Variants in ERC2 observed in about 807,000 individuals in gnomAD.
ERC2 encodes ELKS/RAB6-interacting/CAST family member 2.
ERC2 carries 42 observed loss-of-function variants against 114.8 expected under a neutral mutation model. The ratio of observed to expected loss-of-function variants is 0.37; its 90% CI spans 0.29 to 0.47. The LOEUF (loss-of-function observed/expected upper bound fraction) is 0.47, where lower values mean the gene tolerates loss of function less well. Among genes scored for constraint, ERC2 ranks in the 20% least tolerant of loss-of-function variants. The probability of loss-of-function intolerance (pLI) is 0.99; values close to 1 mark genes in which losing one functional copy is unlikely to be tolerated. For synonymous variants in ERC2, 454 were observed against 425.5 expected, an observed-to-expected ratio of 1.07 and a Z score of -0.82; for missense variants, 939 against 1,150.7, an observed-to-expected ratio of 0.82 and a Z score of 2.66.
chr3:55,747,528 C>T (rs116576427), intron 14 of ERC2, among the ~76,000 whole-genome samples: 36 of 152,196 alleles, frequency 2.4e-4, no homozygotes, highest in South Asian at 6.2e-4. Context: ...TATTCCACGC[C>T]GTAAGGAAAA....
intron 2 of ERC2, among the ~76,000 whole-genome samples, chr3:56,431,851 T>A (rs1054813658): frequency 1.3e-5 from 2 of 152,202 alleles, no homozygotes; most frequent in Non-Finnish European, 2.9e-5. Flanking sequence ...ACTAGAGCTT[T>A]CACTGAGTCA....
intron 3 of ERC2, among the ~76,000 whole-genome samples, chr3:56,262,640 T>C (rs144373725): frequency 6.6e-6 from 1 of 152,344 alleles, no homozygotes; most frequent in Non-Finnish European, 1.5e-5. Context: ...TTGTTCCTTC[T>C]AAAAATGAGC....
chr3:56,435,829 A>T (rs2061993194), intron 1 of ERC2, among the ~76,000 whole-genome samples: 2 of 152,238 alleles, frequency 1.3e-5, no homozygotes, highest in South Asian at 4.1e-4. Flanking sequence ...ACACATAGCC[A>T]GATCCTCAAT....
intron 14 of ERC2, among the ~76,000 whole-genome samples, chr3:55,745,486 C>A (rs567044305): frequency 6.6e-5 from 10 of 152,310 alleles, no homozygotes; most frequent in African/African-American, 2.4e-4. Context: ...ACTTCCATGA[C>A]ATACTGCAAT....
chr3:55,814,707 C>A (rs938423029), intron 14 of ERC2, among the ~76,000 whole-genome samples: 4 of 152,136 alleles, frequency 2.6e-5, no homozygotes, highest in African/African-American at 9.7e-5. Context: ...CTGCATGAAA[C>A]CTGGATTAAT....
chr3:56,369,192 TTC>T (rs2059268312), intron 2 of ERC2, among the ~76,000 whole-genome samples: 1 of 152,206 alleles, frequency 6.6e-6, no homozygotes, highest in Non-Finnish European at 1.5e-5. Flanking sequence ...ATGGAACTTT[TTC>T]TCTGTTCTTT....
chr3:55,591,780 CCTT>C (rs1472557240), intron 17 of ERC2, among the ~76,000 whole-genome samples: 1 of 152,136 alleles, frequency 6.6e-6, no homozygotes. Flanking sequence ...TTATTCTTGT[CCTT>C]CTTCTATCCT....
chr3:56,045,563 G>A (rs1017502654), intron 7 of ERC2, among the ~76,000 whole-genome samples: 2 of 152,130 alleles, frequency 1.3e-5, no homozygotes, highest in African/African-American at 2.4e-5. Context: ...CTAGCATTCT[G>A]ACGAAAGCCA....
At chr3:55,947,778 G>T (rs2067225408) in intron 13 of ERC2, among the ~76,000 whole-genome samples, 1 of 152,148 alleles carries the variant, frequency 6.6e-6, no homozygotes, top group Non-Finnish European at 1.5e-5. Context: ...TGCGTTTTGG[G>T]TGATTTGTTG....
At chr3:55,642,651 A>G (rs892654527) in intron 17 of ERC2, among the ~76,000 whole-genome samples, 1 of 152,014 alleles carries the variant, frequency 6.6e-6, no homozygotes, top group African/African-American at 2.4e-5. Context: ...TAATTGACCA[A>G]TTTTGTTTTC....
chr3:56,155,171 A>T (rs1370806554), intron 4 of ERC2, among the ~76,000 whole-genome samples: 1 of 152,126 alleles, frequency 6.6e-6, no homozygotes, highest in African/African-American at 2.4e-5. Flanking sequence ...TCTTCGCAAC[A>T]TCCCCATGGT....
chr3:56,320,964 T>A (rs1426483685), intron 2 of ERC2, among the ~76,000 whole-genome samples: 1 of 152,180 alleles, frequency 6.6e-6, no homozygotes, highest in Non-Finnish European at 1.5e-5. Flanking sequence ...TCCGGCCAAG[T>A]AGAAGCATCA....
intron 6 of ERC2, among the ~76,000 whole-genome samples, chr3:56,120,666 G>A (rs1206773133): frequency 6.6e-6 from 1 of 152,204 alleles, no homozygotes; most frequent in Non-Finnish European, 1.5e-5. Flanking sequence ...AATGATTCTT[G>A]TTAGAATGAT....
At chr3:55,537,485 T>G (rs146791628) in intron 17 of ERC2, among the ~76,000 whole-genome samples, 1 of 152,220 alleles carries the variant, frequency 6.6e-6, no homozygotes, top group Admixed American at 6.5e-5. Flanking sequence ...GCTGATTTCT[T>G]TGGATCCTAG....
At chr3:55,649,682 T>C (rs531671677) in intron 17 of ERC2, among the ~76,000 whole-genome samples, 4 of 152,334 alleles carry the variant, frequency 2.6e-5, no homozygotes, top group South Asian at 4.1e-4. Context: ...TGAGGAGCTA[T>C]GCTGAACCTG....
At chr3:56,363,733 T>C (rs1047749297) in intron 2 of ERC2, among the ~76,000 whole-genome samples, 3 of 151,254 alleles carry the variant, frequency 2.0e-5, no homozygotes, top group African/African-American at 7.3e-5. Context: ...TCTATATACC[T>C]GTGCTAGAGT....
rs756575995 is a variant in ERC2 at position 55,992,083 on chromosome 3, C to T, written c.2229G>A (p.Lys743=). The change falls in exon 11 of 18, where the codon AAG becomes AAA. Residue 743 remains lysine, a synonymous_variant. Coordinates refer to ENST00000288221, the MANE Select transcript of ERC2 (RefSeq NM_015576.3). ...TCTCCAGTTCTGCGATCTTCTTGTC[C>T]TTGTCATTCTTCTCATTCTCCACCT... The part of the protein sequence containing the change: ...LKEVENEKND[K]DKKIAELESL... The T allele has an allele frequency of 1.7e-5, 28 of 1,613,486 alleles. No individual in the cohort carries two copies. The highest frequency in any genetic ancestry group is 2.3e-5 in the Non-Finnish European group (27 of 1,179,764).
At chr3:55,901,166 T>G (rs2064114767) in intron 13 of ERC2, among the ~76,000 whole-genome samples, 1 of 152,222 alleles carries the variant, frequency 6.6e-6, no homozygotes, top group Non-Finnish European at 1.5e-5. Context: ...CTCTTTTGTT[T>G]CACTGGAGTA....
At chr3:56,234,386 C>T (rs1043286117) in intron 3 of ERC2, among the ~76,000 whole-genome samples, 1 of 152,064 alleles carries the variant, frequency 6.6e-6, no homozygotes, top group African/African-American at 2.4e-5. Flanking sequence ...TTTATAAGTT[C>T]AAATGGGTAA....
Sources: allele counts gnomAD v4.1 joint callset (sites outside exome capture counted in the v4.1 genomes callset), GRCh38; gene constraint gnomAD v4.1.1; transcripts MANE v1.5; gene names NCBI Gene and HGNC (gene_info 2026-07-23, HGNC 2026-07-21).